SLC28A1: variants seen among roughly 807,000 people sequenced by gnomAD.
The protein encoded by SLC28A1 is sodium/nucleoside cotransporter 1.
Under a neutral mutation model 74.8 loss-of-function variants are expected in SLC28A1, and 64 were observed. That is an observed-to-expected ratio of 0.86 (90% CI 0.70 to 1.05). The LOEUF (loss-of-function observed/expected upper bound fraction) is 1.05, where lower values mean the gene tolerates loss of function less well. Among genes scored for constraint, SLC28A1 ranks in the 50% least tolerant of loss-of-function variants. SLC28A1 has a pLI of 0.00. For synonymous variants in SLC28A1, 359 were observed against 335.0 expected (o/e 1.07, Z -0.78); for missense variants, 828 against 822.8 (o/e 1.01, Z -0.08).
chr15:84,936,244 T>TTTTGG (rs139607863), intron 15 of SLC28A1, among the ~76,000 whole-genome samples: 45,486 of 147,038 alleles, frequency 0.31, 9,289 homozygotes, highest in Middle Eastern at 0.55. Context: ...CGCCCGGCTG[T>TTTTGG]TTTGGTTTGG....
At chr15:84,944,510 C>A in intron 16 of SLC28A1, 56 bp from the exon 17 acceptor site, 1 of 1,227,438 alleles carries the variant, frequency 8.1e-7, no homozygotes, top group Non-Finnish European at 1.2e-6. Context: ...AGCTGCGGAA[C>A]GCGGGCAGAG....
chr15:84,959,247 G>A, the SLC28A1 span, among the ~76,000 whole-genome samples: 2 of 152,074 alleles, frequency 1.3e-5, no homozygotes, highest in East Asian at 3.9e-4. Flanking sequence ...TGGGATTACA[G>A]GCCTTTGCCA....
At chr15:84,886,224 A>G in intron 1 of SLC28A1, 1 of 985,416 alleles carries the variant, frequency 1.0e-6, no homozygotes, top group Non-Finnish European at 1.2e-6. Flanking sequence ...TATTTCTCAC[A>G]GCTACACTGC....
chr15:84,892,816 C>A (rs1965509058), intron 5 of SLC28A1, among the ~76,000 whole-genome samples: 1 of 152,134 alleles, frequency 6.6e-6, no homozygotes, highest in Non-Finnish European at 1.5e-5. Flanking sequence ...GCGCTGGCAC[C>A]ATCAGACTAA....
chr15:84,909,768 G>A (rs1232445072), intron 9 of SLC28A1, among the ~76,000 whole-genome samples: 7 of 152,218 alleles, frequency 4.6e-5, no homozygotes, highest in Non-Finnish European at 7.3e-5. Context: ...CCACTGATGC[G>A]TGGCACTGAG....
the SLC28A1 span, among the ~76,000 whole-genome samples, chr15:84,951,752 A>G: frequency 1.3e-5 from 2 of 152,142 alleles, no homozygotes; most frequent in African/African-American, 4.8e-5. Context: ...CTGGAGTCCT[A>G]AATGGGCCCG....
chr15:84,939,049 G>T (rs573109377), intron 15 of SLC28A1, among the ~76,000 whole-genome samples: 9 of 152,316 alleles, frequency 5.9e-5, no homozygotes, highest in Non-Finnish European at 1.2e-4. Context: ...GCTGGGTGTG[G>T]TGGCTCATAC....
At chr15:84,970,924 C>A in the SLC28A1 span, among the ~76,000 whole-genome samples, 2 of 152,140 alleles carry the variant, frequency 1.3e-5, no homozygotes, top group Non-Finnish European at 2.9e-5. Flanking sequence ...ATTTTCAGAG[C>A]TGACTCAAGC....
In SLC28A1 at chr15:84,895,491, C is replaced by T. The variant is rs147021727; in HGVS notation, c.461+368C>T. Reference sequence around the variant, plus strand: ...TCCCTGGAGGGGGATTCAGCAGGCTCGATCGGGGTCCAGGTGCTGGTATTT... The same window carrying T: ...TCCCTGGAGGGGGATTCAGCAGGCTTGATCGGGGTCCAGGTGCTGGTATTT... On this transcript the variant is annotated intron_variant, in intron 6 of 18. Transcript: ENST00000394573. The T allele has an allele frequency of 1.2e-3, 1,968 of 1,600,970 alleles. 23 individuals carry two copies. The African/African-American group carries it at 0.021, about 17-fold the overall frequency.
rs756560653 is a variant in SLC28A1 at position 84,944,788 on chromosome 15, G to C, written c.1795G>C (p.Asp599His). 3 of 1,614,092 alleles carry C rather than the reference G, an allele frequency of 1.9e-6. No individual in the cohort carries two copies. The highest frequency in any genetic ancestry group is 2.5e-6 in the Non-Finnish European group (3 of 1,179,972). The change falls in exon 18 of 19, where the codon GAC becomes CAC. Residue 599 changes from aspartate to histidine, a missense_variant. Asp to His is a moderately conservative substitution (Grantham distance 81, BLOSUM62 -1). This residue lies in a region of SLC28A1 where 8 missense variants were observed against 24.9 expected (regional missense o/e 0.32). Coordinates refer to ENST00000394573, the MANE Select transcript of SLC28A1 (RefSeq NM_004213.5). ...ILYMPRGAEV[D>H]CMSLLNTTLS... is the part of the protein sequence containing the mutation. ...CTACATGCCCAGGGGGGCTGAAGTT[G>C]ACTGCATGTCCCTCTTGAACACGAC...
intron 8 of SLC28A1, among the ~76,000 whole-genome samples, chr15:84,906,614 C>T (rs1967280984): frequency 6.8e-6 from 1 of 146,876 alleles, no homozygotes; most frequent in African/African-American, 2.5e-5. Flanking sequence ...TCCTTCCTTC[C>T]TTCCTTCCTT....
At chr15:84,949,459 TG>T (rs1417303257), downstream of SLC28A1, among the ~76,000 whole-genome samples, 2 of 152,086 alleles carry the variant, frequency 1.3e-5, no homozygotes, top group African/African-American at 4.8e-5. Context: ...AATCCTGGCT[TG>T]CTGCAGCCTG....
At chr15:84,896,967 T>C (rs891933278) in intron 6 of SLC28A1, among the ~76,000 whole-genome samples, 11 of 152,002 alleles carry the variant, frequency 7.2e-5, no homozygotes, top group Admixed American at 1.3e-4. Flanking sequence ...CTAGGGCGGA[T>C]GGGAAGAGGA....
intron 6 of SLC28A1, chr15:84,895,815 A>G (rs1013289487): frequency 4.8e-5 from 54 of 1,129,232 alleles, no homozygotes; most frequent in East Asian, 6.3e-5. Flanking sequence ...GTCTATTTCA[A>G]TACTCTATTT....
intron 4 of SLC28A1, 24 bp from the exon 5 acceptor site, chr15:84,890,418 TG>T: frequency 6.4e-7 from 1 of 1,573,224 alleles, no homozygotes; most frequent in Non-Finnish European, 8.7e-7. Flanking sequence ...CATGCACTCA[TG>T]GACCCTGCTG....
chr15:84,943,766 T>C (rs1972983919), intron 16 of SLC28A1, among the ~76,000 whole-genome samples: 1 of 151,924 alleles, frequency 6.6e-6, no homozygotes, highest in African/African-American at 2.4e-5. Context: ...CTATCTCTAC[T>C]AAAAATACAA....
intron 9 of SLC28A1, among the ~76,000 whole-genome samples, chr15:84,910,619 T>C (rs1351775176): frequency 6.6e-6 from 1 of 152,092 alleles, no homozygotes; most frequent in East Asian, 1.9e-4. Flanking sequence ...TCCCAGCTAC[T>C]TGGGAGGCTG....
At chr15:84,910,953 G>T (rs905876319) in intron 9 of SLC28A1, among the ~76,000 whole-genome samples, 5 of 152,212 alleles carry the variant, frequency 3.3e-5, no homozygotes, top group Non-Finnish European at 5.9e-5. Context: ...GCAGGAAGAG[G>T]AAATGGCATG....
At chr15:84,922,714 C>T (rs1378902116) in intron 11 of SLC28A1, among the ~76,000 whole-genome samples, 1 of 152,246 alleles carries the variant, frequency 6.6e-6, no homozygotes, top group Non-Finnish European at 1.5e-5. Flanking sequence ...GCCCACCTGC[C>T]CCCTCTGCCT....
Sources: allele counts gnomAD v4.1 joint callset (sites outside exome capture counted in the v4.1 genomes callset), GRCh38; gene constraint gnomAD v4.1.1; regional missense constraint gnomAD v4.1.1; transcripts MANE v1.5; gene names NCBI Gene and HGNC (gene_info 2026-07-23, HGNC 2026-07-21).